Variants in ATXN1 observed in about 807,000 individuals in gnomAD.
ATXN1 encodes the protein ataxin 1.
A neutral mutation model predicts 56.4 loss-of-function variants in ATXN1; 8 were observed. The observed-to-expected ratio is 0.14, with a 90% CI of 0.08 to 0.26. The LOEUF is 0.26. ATXN1 is among the 10% of genes least tolerant of loss of function. The pLI is 1.00. For synonymous variants in ATXN1, 514 were observed against 494.6 expected (o/e 1.04, Z -0.52); for missense variants, 987 against 1,106.5 (o/e 0.89, Z 1.53).
At chr6:16,307,984 T>C (rs1760294517) in intron 7 of ATXN1, among the ~76,000 whole-genome samples, 1 of 152,016 alleles carries the variant, frequency 6.6e-6, no homozygotes, top group Non-Finnish European at 1.5e-5. Context: ...CAAAACCCCA[T>C]CTCTACTAAA....
chr6:16,645,030 A>C (rs1763777571), intron 3 of ATXN1, among the ~76,000 whole-genome samples: 1 of 152,172 alleles, frequency 6.6e-6, no homozygotes, highest in Non-Finnish European at 1.5e-5. Context: ...ACTGGCCATG[A>C]CCTTTGATAG....
At chr6:16,725,476 C>T (rs1759829351) in intron 2 of ATXN1, among the ~76,000 whole-genome samples, 1 of 152,190 alleles carries the variant, frequency 6.6e-6, no homozygotes, top group Non-Finnish European at 1.5e-5. Flanking sequence ...CTCTCCCATT[C>T]AATTCAGGGT....
At chr6:16,639,353 A>T (rs1763662229) in intron 3 of ATXN1, among the ~76,000 whole-genome samples, 1 of 152,060 alleles carries the variant, frequency 6.6e-6, no homozygotes, top group African/African-American at 2.4e-5. Context: ...AAGACCACAA[A>T]CCTATCGGAA....
rs1429374440 is a variant in ATXN1, at chr6:16,327,725, C to G, written c.586G>C (p.Glu196Gln). 1 of 1,486,488 alleles carries G rather than the reference C, an allele frequency of 6.7e-7. No individual in the cohort carries two copies. The highest frequency in any genetic ancestry group is 1.2e-5 in the South Asian group (1 of 85,322). 92.1% of individuals were successfully genotyped at this position (1,486,488 alleles called of 1,614,324 possible). A position where few individuals can be genotyped will look rare whatever the true frequency, so the allele number is the denominator to read the frequency against. Residue 196 changes from glutamate (E) to glutamine (Q), a missense_variant, in exon 7 of 8, where the codon GAG (glutamate) becomes CAG (glutamine). Glu to Gln is a conservative substitution (Grantham distance 29). Transcript: ENST00000436367. ...TGCTGCTGCTGCTGCTGCTGCTGCT[C>G]AGCCTTGTGTCCCGGCGTCTGGCTC... ...SLSQTPGHKA[E>Q]QQQQQQQQQQ... is the part of the protein sequence containing the mutation.
chr6:16,737,279 T>TA (rs1402920945), intron 2 of ATXN1: 1 of 152,216 alleles, frequency 6.6e-6, no homozygotes, highest in Non-Finnish European at 1.5e-5. Flanking sequence ...GCAAAGGAAG[T>TA]AAAGTTCCTG....
In ATXN1 at chr6:16,328,182, T is replaced by A; in HGVS notation, c.129A>T (p.Thr43=). 7.5e-6 allele frequency: 12 copies of A among 1,597,644 alleles called. No homozygotes were observed. The highest frequency in any genetic ancestry group is 2.7e-5 in the African/African-American group (2 of 74,772). ...CACCAGGGTTGCCCGGGAGCCATGC[T>A]GTGCCCTCCACCCGGTGGTTGTCGC... ...LPSDNHRVEG[T]AWLPGNPGGR... The change falls in exon 7 of 8, where the codon ACA becomes ACT. Residue 43 remains threonine, a synonymous_variant. Transcript: ENST00000436367. The surrounding 1 kb of genome is among the most constrained non-coding windows in gnomAD (Gnocchi z 6.2).
rs950088236 is a variant in ATXN1, at chr6:16,585,861, G to A, written c.-442C>T. On this transcript the variant is annotated 5_prime_UTR_variant, in exon 4 of 8. Coordinates refer to ENST00000436367, the MANE Select transcript of ATXN1 (RefSeq NM_001128164.2). ...AGATCTTTTCACGAAGATTTTGCTTGAGTAGAAAGGGTGGCAGTGGAGAAT... is the reference window on the plus strand; with the variant it reads ...AGATCTTTTCACGAAGATTTTGCTTAAGTAGAAAGGGTGGCAGTGGAGAAT... 1.3e-5 allele frequency: 2 copies of A among 152,200 alleles called. No individual in the cohort carries two copies. Among genetic ancestry groups the A allele is most frequent in the African/African-American group, 4.8e-5 (2 of 41,450 alleles). 9.4% of individuals were successfully genotyped at this position (152,200 alleles called of 1,614,324 possible).
intron 3 of ATXN1, among the ~76,000 whole-genome samples, chr6:16,648,876 A>C (rs955378359): frequency 3.2e-4 from 49 of 152,256 alleles, no homozygotes; most frequent in African/African-American, 1.1e-3. Context: ...AAAATGACAA[A>C]TCTCAAACTG....
intron 6 of ATXN1, among the ~76,000 whole-genome samples, chr6:16,483,783 A>G (rs563991751): frequency 2.0e-5 from 3 of 152,368 alleles, no homozygotes; most frequent in South Asian, 4.1e-4. Context: ...AACAACAACA[A>G]AAAACCCCCA....
At chr6:16,346,432 T>A (rs955995184) in intron 6 of ATXN1, among the ~76,000 whole-genome samples, 1 of 152,188 alleles carries the variant, frequency 6.6e-6, no homozygotes, top group Admixed American at 6.5e-5. Context: ...GCAGTAATCC[T>A]TGGACATGCA....
chr6:16,334,592 C>A (rs1197166760), intron 6 of ATXN1, among the ~76,000 whole-genome samples: 1 of 152,068 alleles, frequency 6.6e-6, no homozygotes, highest in African/African-American at 2.4e-5. Flanking sequence ...TGGTTTGCAT[C>A]TGTGGTCCTA....
chr6:16,710,869 T>G (rs1432361102), intron 2 of ATXN1, among the ~76,000 whole-genome samples: 3 of 152,020 alleles, frequency 2.0e-5, no homozygotes, highest in Non-Finnish European at 4.4e-5. Context: ...ATTACAGGCA[T>G]GAGCCACCAC....
chr6:16,388,451 T>G (rs1758285056), intron 6 of ATXN1, among the ~76,000 whole-genome samples: 1 of 152,140 alleles, frequency 6.6e-6, no homozygotes, highest in Non-Finnish European at 1.5e-5. Flanking sequence ...ACATATGGAC[T>G]CTCCTAAGAC....
At chr6:16,511,988 C>T (rs1265266367) in intron 5 of ATXN1, among the ~76,000 whole-genome samples, 1 of 152,190 alleles carries the variant, frequency 6.6e-6, no homozygotes, top group Non-Finnish European at 1.5e-5. Flanking sequence ...GCCTCTCCAG[C>T]CCCCATCTTT....
chr6:16,445,673 C>A (rs916547350), intron 6 of ATXN1, among the ~76,000 whole-genome samples: 28 of 109,072 alleles, frequency 2.6e-4, no homozygotes, highest in Non-Finnish European at 4.6e-4. Flanking sequence ...TCCCTCCCCC[C>A]TCCCCCCACC....
intron 6 of ATXN1, among the ~76,000 whole-genome samples, chr6:16,445,061 T>C (rs754733415): frequency 2.0e-5 from 3 of 152,186 alleles, no homozygotes; most frequent in Non-Finnish European, 4.4e-5. Flanking sequence ...ACATAGGTGA[T>C]ACCGAGTAGT....
intron 2 of ATXN1, among the ~76,000 whole-genome samples, chr6:16,722,565 T>C (rs1759766168): frequency 6.6e-6 from 1 of 152,300 alleles, no homozygotes; most frequent in East Asian, 1.9e-4. Context: ...CACTATCGCT[T>C]TTCTGGGCTA....
intron 6 of ATXN1, among the ~76,000 whole-genome samples, chr6:16,378,006 T>C (rs1316975726): frequency 6.6e-6 from 1 of 152,218 alleles, no homozygotes; most frequent in African/African-American, 2.4e-5. Flanking sequence ...GCCTACTTCA[T>C]GGCAAGGAGG....
At chr6:16,349,034 T>C (rs1321430713) in intron 6 of ATXN1, among the ~76,000 whole-genome samples, 4 of 152,212 alleles carry the variant, frequency 2.6e-5, no homozygotes. Context: ...AAAGTGGGAA[T>C]AATACTAGTT....
Sources: allele counts gnomAD v4.1 joint callset (sites outside exome capture counted in the v4.1 genomes callset), GRCh38; gene constraint gnomAD v4.1.1; non-coding constraint Gnocchi (gnomAD v3.1); transcripts MANE v1.5; gene names NCBI Gene and HGNC (gene_info 2026-07-23, HGNC 2026-07-21).